Variants in RAB44 observed in about 807,000 individuals in gnomAD.
RAB44 encodes the protein RAB44, member RAS oncogene family.
In RAB44, 67 loss-of-function variants were observed where a neutral mutation model predicts 93.3. That is an observed-to-expected ratio of 0.72 (90% CI 0.59 to 0.88). RAB44 has a LOEUF of 0.88. Among genes scored for constraint, RAB44 ranks in the 40% least tolerant of loss-of-function variants. The pLI is 0.00. For missense variants in RAB44, 1,064 were observed against 1,261.7 expected, an observed-to-expected ratio of 0.84 and a Z score of 2.37; for synonymous variants, 427 against 520.3, an observed-to-expected ratio of 0.82 and a Z score of 2.44.
rs1252099991 is a variant in RAB44, at chr6:36,732,148, C to A, written c.*55C>A. 2.7e-6 allele frequency: 3 copies of A among 1,122,740 alleles called. No individual in the cohort carries two copies. Among genetic ancestry groups the A allele is most frequent in the African/African-American group, 1.6e-5 (1 of 62,240 alleles). 69.5% of individuals were successfully genotyped at this position (1,122,740 alleles called of 1,614,324 possible). ...ACCCATGGGGTTTCCTGTCCCTCAG[C>A]TCCTGTCCTTTGTTCCTGGACAGCA... On this transcript the variant is annotated 3_prime_UTR_variant, in exon 14 of 14. Coordinates refer to ENST00000612677, the MANE Select transcript of RAB44 (RefSeq NM_001257357.2).
chr6:36,702,961 T>A (rs1762549058), intron 1 of RAB44, among the ~76,000 whole-genome samples: 1 of 152,208 alleles, frequency 6.6e-6, no homozygotes, highest in South Asian at 2.1e-4. Flanking sequence ...TGGACCTAGA[T>A]AAACAGTGAT....
intron 1 of RAB44, among the ~76,000 whole-genome samples, chr6:36,698,712 G>A (rs1762442386): frequency 6.6e-6 from 1 of 151,968 alleles, no homozygotes; most frequent in African/African-American, 2.4e-5. Flanking sequence ...CTGGCAGGGT[G>A]GCCCTGCCAG....
Position 36,722,163 on chromosome 6 carries a change from G to A in RAB44, c.2029G>A (p.Glu677Lys). 8.1e-7 allele frequency: 1 copy of A among 1,237,474 alleles called. No individual in the cohort carries two copies. 76.7% of individuals were successfully genotyped at this position (1,237,474 alleles called of 1,614,324 possible). A position where few individuals can be genotyped will look rare whatever the true frequency, so the allele number is the denominator to read the frequency against. The change falls in exon 9 of 14, where the codon GAG becomes AAG. Residue 677 changes from glutamate (E) to lysine (K), a missense_variant. Transcript: ENST00000612677. ...GGAGCTGGAAGAGGAACCCAGGTCT[G>A]AGGAAGGAAAACAAGAGGGCAGAGG... ...HQELEEEPRSEEGKQEGRGGQ... is the reference protein window; with the variant it reads ...HQELEEEPRSKEGKQEGRGGQ...
Position 36,704,462 on chromosome 6 carries a change from T to G in RAB44, c.207+20T>G. 6.5e-7 allele frequency: 1 copy of G among 1,527,978 alleles called. No individual in the cohort carries two copies. The highest frequency in any genetic ancestry group is 8.8e-7 in the Non-Finnish European group (1 of 1,141,140). The allele number at this position is 1,527,978 out of a possible 1,614,324, so 94.7% of individuals were successfully genotyped here. A position where few individuals can be genotyped will look rare whatever the true frequency, so the allele number is the denominator to read the frequency against. ...CTGGCGGTGAGCCCAAGACCCCCAT[T>G]TGAATGCTGAATCCCTTTTCCGCAG... On this transcript the variant is annotated intron_variant, in intron 2 of 13. Transcript: ENST00000612677.
In RAB44 at chr6:36,727,592, GC is replaced by G; in HGVS notation, c.2698del (p.Arg900AspfsTer29). 6.4e-7 allele frequency: 1 copy of G among 1,550,476 alleles called. No homozygotes were observed. On this transcript the variant is annotated frameshift_variant, in exon 11 of 14. Transcript: ENST00000612677. LOFTEE classifies it high-confidence loss of function. ...CTCTGGGCAGGTACCACAGTATGACGCGACAGCTGCTCCGCAAGGCTGACGG... is the reference window on the plus strand; with the variant it reads ...CTCTGGGCAGGTACCACAGTATGACGGACAGCTGCTCCGCAAGGCTGACGG... ...AGQERYHSMT[R>X]QLLRKADGVV...
At chr6:36,698,389 T>A (rs1195035355) in intron 1 of RAB44, among the ~76,000 whole-genome samples, 8 of 152,262 alleles carry the variant, frequency 5.3e-5, no homozygotes, top group Non-Finnish European at 2.9e-5. Flanking sequence ...CCATGCCAGG[T>A]TGTAATCTGC....
chr6:36,704,270 G>T lies in RAB44; in HGVS notation c.35G>T (p.Arg12Leu). 6.5e-7 allele frequency: 1 copy of T among 1,536,142 alleles called. No homozygotes were observed. The highest frequency in any genetic ancestry group is 8.7e-7 in the Non-Finnish European group (1 of 1,146,902). The change falls in exon 2 of 14, where the codon CGG becomes CTG. Residue 12 changes from arginine (R) to leucine (L), a missense_variant. Arg to Leu is a moderately radical substitution (Grantham distance 102). Coordinates refer to ENST00000612677, the MANE Select transcript of RAB44 (RefSeq NM_001257357.2). ...GGACAGAGAACATCTCGAAAAGTCC[G>T]GAAGCTGGGCTCCAACCGGCGGCGG... ...ETGQRTSRKV[R>L]KLGSNRRRQT... is the part of the protein sequence containing the mutation.
Position 36,727,758 on chromosome 6 carries a change from C to T in RAB44, c.2796+67C>T, listed in dbSNP as rs1051942468. The T allele has an allele frequency of 1.0e-5, 10 of 973,192 alleles. No individual in the cohort carries two copies. In the East Asian group the frequency reaches 2.6e-4, roughly 26 times the overall value. The allele number at this position is 973,192 out of a possible 1,614,324, so 60.3% of individuals were successfully genotyped here. ...CAAGAGGGATCTTATATCCTGCCCA[C>T]TCCCTCTTTTCTCCCAGGATTACAA... is the stretch of plus-strand genomic sequence containing the variant. On this transcript the variant is annotated intron_variant, in intron 11 of 13. Transcript: ENST00000612677.
rs1762899407 is a variant in RAB44 at position 36,715,637 on chromosome 6, G to A, written c.478G>A (p.Gly160Arg). 6.5e-7 allele frequency: 1 copy of A among 1,535,970 alleles called. No homozygotes were observed. Among genetic ancestry groups the A allele is most frequent in the Non-Finnish European group, 8.7e-7 (1 of 1,146,878 alleles). ...FLAFMEQLGT[G>R]HLLPKQMEIW... ...TGCCTTCATGGAGCAGCTGGGGACTGGACACTTACTTCCCAAGTAAGGCCA... is the reference window on the plus strand; with the variant it reads ...TGCCTTCATGGAGCAGCTGGGGACTAGACACTTACTTCCCAAGTAAGGCCA... Residue 160 changes from glycine to arginine, a missense_variant, in exon 4 of 14, where the codon GGA (glycine) becomes AGA (arginine). By Grantham distance (125) the Gly-to-Arg change is moderately radical (BLOSUM62 -2). Coordinates refer to ENST00000612677, the MANE Select transcript of RAB44 (RefSeq NM_001257357.2).
In RAB44 at chr6:36,722,018, C is replaced by G. The variant is rs2150337911; in HGVS notation, c.1884C>G (p.Pro628=). The G allele has an allele frequency of 8.1e-7, 1 of 1,233,256 alleles. No homozygotes were observed. The highest frequency in any genetic ancestry group is 1.0e-6 in the Non-Finnish European group (1 of 988,452). 76.4% of individuals were successfully genotyped at this position (1,233,256 alleles called of 1,614,324 possible). A position where few individuals can be genotyped will look rare whatever the true frequency, so the allele number is the denominator to read the frequency against. The change falls in exon 9 of 14, where the codon CCC becomes CCG. Residue 628 remains proline (P), a synonymous_variant. Coordinates refer to ENST00000612677, the MANE Select transcript of RAB44 (RefSeq NM_001257357.2). ...GCCTGGAATTTGTGGGTCCGGTGCC[C>G]ACAGAGAGGCTGGAGCAGGGCCAGG... ...FQGLEFVGPV[P]TERLEQGQAG...
rs896373860 is a variant in RAB44 at position 36,731,216 on chromosome 6, C to T, written c.2975+467C>T. On this transcript the variant is annotated intron_variant, in intron 13 of 13. Coordinates refer to ENST00000612677, the MANE Select transcript of RAB44 (RefSeq NM_001257357.2). This position sits in a 1 kb window ranked among gnomAD's most constrained non-coding sequence, Gnocchi z 4.0. Reference sequence around the variant, plus strand: ...ACTCACACTCACACACACACACTTGCCAAGTTCCAGCCACTCAGAGACTCC... The same window carrying T: ...ACTCACACTCACACACACACACTTGTCAAGTTCCAGCCACTCAGAGACTCC... Among the ~76,000 whole-genome samples the T allele has an allele frequency of 6.6e-6, 1 of 152,114 alleles. No individual in the cohort carries two copies. Among genetic ancestry groups the T allele is most frequent in the South Asian group, 2.1e-4 (1 of 4,812 alleles).
chr6:36,714,685 C>T (rs960890104), intron 3 of RAB44, among the ~76,000 whole-genome samples: 6 of 152,176 alleles, frequency 3.9e-5, no homozygotes, highest in South Asian at 2.1e-4. Flanking sequence ...GCCGGTGGGG[C>T]GCAGAGGGAG....
At chr6:36,712,185 C>A (rs939098986) in intron 2 of RAB44, among the ~76,000 whole-genome samples, 9 of 151,782 alleles carry the variant, frequency 5.9e-5, no homozygotes, top group Non-Finnish European at 1.3e-4. Flanking sequence ...CACAGGTAAT[C>A]CCAGCTACTC....
chr6:36,723,678 A>G (rs572924033), intron 9 of RAB44, among the ~76,000 whole-genome samples: 2 of 151,998 alleles, frequency 1.3e-5, no homozygotes, highest in South Asian at 4.2e-4. Flanking sequence ...TACTAAAAAT[A>G]CAAAAAATTA....
chr6:36,705,251 A>G (rs2150325248), intron 2 of RAB44, among the ~76,000 whole-genome samples: 1 of 152,292 alleles, frequency 6.6e-6, no homozygotes, highest in East Asian at 1.9e-4. Flanking sequence ...CTAATATCTA[A>G]CAGGCCATCA....
At chr6:36,719,716 C>T (rs192002565) in intron 7 of RAB44, among the ~76,000 whole-genome samples, 8 of 152,248 alleles carry the variant, frequency 5.3e-5, no homozygotes, top group South Asian at 4.1e-4. Flanking sequence ...GACATTGGAG[C>T]GAAGACCTGG....
chr6:36,718,394 A>C (rs1464726124), intron 6 of RAB44, 99 bp from the exon 7 acceptor site: 3 of 584,016 alleles, frequency 5.1e-6, no homozygotes, highest in African/African-American at 1.9e-5. Context: ...ATCCTGGCCC[A>C]GGCACCCCAG....
intron 1 of RAB44, 75 bp from the exon 2 acceptor site, chr6:36,704,149 G>A: frequency 7.7e-7 from 1 of 1,291,636 alleles, no homozygotes; most frequent in Non-Finnish European, 1.1e-6. Context: ...GGTGATGGGA[G>A]CCAGGGGAGG....
Position 36,720,605 on chromosome 6 carries a change from G to A in RAB44, c.1016+55G>A, listed in dbSNP as rs560482917. ...GGACTCTAAGGGCCTCCTGGAACCA[G>A]TGGGGAACTCTGAGTTCTCTAAGGA... is the stretch of plus-strand genomic sequence containing the variant. On this transcript the variant is annotated intron_variant, in intron 8 of 13. Coordinates refer to ENST00000612677, the MANE Select transcript of RAB44 (RefSeq NM_001257357.2). 6 of 1,198,588 alleles carry A rather than the reference G, an allele frequency of 5.0e-6. No individual in the cohort carries two copies. In the African/African-American group the frequency reaches 9.4e-5, roughly 19 times the overall value. The allele number at this position is 1,198,588 out of a possible 1,614,324, so 74.2% of individuals were successfully genotyped here.
Sources: allele counts gnomAD v4.1 joint callset (sites outside exome capture counted in the v4.1 genomes callset), GRCh38; gene constraint gnomAD v4.1.1; non-coding constraint Gnocchi (gnomAD v3.1); transcripts MANE v1.5; gene names NCBI Gene and HGNC (gene_info 2026-07-23, HGNC 2026-07-21).